The following PSMA3 variants were observed in gnomAD, a reference collection of about 807,000 sequenced individuals.
PSMA3 encodes proteasome subunit alpha type-3.
A neutral mutation model predicts 40.0 loss-of-function variants in PSMA3; 8 were observed. The ratio of observed to expected loss-of-function variants is 0.20; its 90% CI spans 0.12 to 0.36. The LOEUF is 0.36. Among genes scored for constraint, PSMA3 ranks in the 10% least tolerant of loss-of-function variants. The pLI is 1.00. For synonymous variants in PSMA3, 110 were observed against 100.0 expected, an observed-to-expected ratio of 1.10 and a Z score of -0.59; for missense variants, 219 against 310.6, an observed-to-expected ratio of 0.70 and a Z score of 2.22.
chr14:58,266,270 C>G (rs975672685), intron 7 of PSMA3: 1 of 152,098 alleles, frequency 6.6e-6, no homozygotes, highest in Non-Finnish European at 1.5e-5. Context: ...CTTGAGCATC[C>G]AGATTTCAAA....
chr14:58,254,551 G>A (rs958436729), intron 3 of PSMA3, among the ~76,000 whole-genome samples: 2 of 151,126 alleles, frequency 1.3e-5, no homozygotes, highest in African/African-American at 2.4e-5. Flanking sequence ...GCTCAGGCTG[G>A]TCTTGAACTC....
At chr14:58,258,308 C>T (rs1193890067) in intron 5 of PSMA3, 1 of 236,754 alleles carries the variant, frequency 4.2e-6, no homozygotes, top group East Asian at 7.8e-5. Flanking sequence ...GGTGCAGTAT[C>T]ACATGCCTGT....
chr14:58,250,069 A>T (rs1175823339), intron 2 of PSMA3, among the ~76,000 whole-genome samples: 1 of 151,104 alleles, frequency 6.6e-6, no homozygotes, highest in African/African-American at 2.4e-5. Flanking sequence ...AAATACAAAA[A>T]ATTAGCCGGG....
intron 2 of PSMA3, among the ~76,000 whole-genome samples, chr14:58,251,241 C>A (rs1954745458): frequency 6.6e-6 from 1 of 152,244 alleles, no homozygotes; most frequent in Non-Finnish European, 1.5e-5. Context: ...AACACATTTT[C>A]ATCTTGAAAT....
intron 5 of PSMA3, among the ~76,000 whole-genome samples, chr14:58,260,666 G>A (rs1890256225): frequency 6.6e-6 from 1 of 152,124 alleles, no homozygotes; most frequent in Admixed American, 6.5e-5. Context: ...TCTCATAGTT[G>A]TGGTTTTCAT....
At chr14:58,256,563 G>A (rs915453687) in intron 3 of PSMA3, among the ~76,000 whole-genome samples, 13 of 151,870 alleles carry the variant, frequency 8.6e-5, no homozygotes, top group African/African-American at 3.1e-4. Flanking sequence ...ACAGGTGCCT[G>A]CAACCACGCC....
At chr14:58,252,074 C>T in intron 2 of PSMA3, 45 bp from the exon 3 acceptor site, 2 of 1,544,078 alleles carry the variant, frequency 1.3e-6, no homozygotes, top group Admixed American at 2.3e-5. Flanking sequence ...TATGAAGTTT[C>T]TTTTATTTTC....
rs544540648 is a variant in PSMA3, at chr14:58,254,333, C to CATATAT, written c.228+2096_228+2101dup. Among the ~76,000 whole-genome samples, 53 of 23,800 alleles carry CATATAT rather than the reference C, an allele frequency of 2.2e-3. 16 individuals carry two copies. In the South Asian group the frequency reaches 0.042, roughly 19 times the overall value. 15.6% of individuals were successfully genotyped at this position (23,800 alleles called of 152,430 possible). A position where few individuals can be genotyped will look rare whatever the true frequency, so the allele number is the denominator to read the frequency against. The stretch of plus-strand genomic sequence containing the variant: ...AATATTTTGAAAAAAATTATGCATG[C>CATATAT]ATATATATATGTATGTACACACACA... On this transcript the variant is annotated intron_variant, in intron 3 of 10. Coordinates refer to ENST00000216455, the MANE Select transcript of PSMA3 (RefSeq NM_002788.4).
Position 58,257,850 on chromosome 14 carries a change from A to G in PSMA3, c.330+4A>G, listed in dbSNP as rs767197826. 1.2e-6 allele frequency: 2 copies of G among 1,612,702 alleles called. No individual in the cohort carries two copies. Among genetic ancestry groups the G allele is most frequent in the East Asian group, 4.5e-5 (2 of 44,810 alleles). ...TGGCTACAACATTCCACTAAAAGTA[A>G]GTTGATAACATATTGAGGAACCTTT... On this transcript the variant is annotated splice_donor_region_variant and intron_variant, in intron 4 of 10. Coordinates refer to ENST00000216455, the MANE Select transcript of PSMA3 (RefSeq NM_002788.4).
intron 5 of PSMA3, 43 bp from the exon 6 acceptor site, chr14:58,260,903 TTA>T (rs2140089638): frequency 7.3e-7 from 1 of 1,360,918 alleles, no homozygotes; most frequent in Non-Finnish European, 1.0e-6. Flanking sequence ...ACAAATACTT[TTA>T]TGTTATTGCC....
chr14:58,271,414 C>G (rs1392698995), intron 10 of PSMA3, among the ~76,000 whole-genome samples: 1 of 146,828 alleles, frequency 6.8e-6, no homozygotes, highest in African/African-American at 2.5e-5. Context: ...ACTGCAACCT[C>G]TGCCTCCAGG....
intron 6 of PSMA3, 112 bp downstream of exon 6, chr14:58,261,132 G>A: frequency 1.2e-5 from 7 of 560,160 alleles, no homozygotes; most frequent in Non-Finnish European, 1.1e-5. Flanking sequence ...TTCAAGGAAA[G>A]TAATTTTTCT....
At chr14:58,264,127 A>G (rs1890365226) in intron 7 of PSMA3, among the ~76,000 whole-genome samples, 1 of 152,228 alleles carries the variant, frequency 6.6e-6, no homozygotes, top group Non-Finnish European at 1.5e-5. Context: ...GATTCTGAAT[A>G]ACTGCTATAA....
rs142789690 is a variant in PSMA3, at chr14:58,250,375, T to C, written c.105-1744T>C. On this transcript the variant is annotated intron_variant, in intron 2 of 10. Transcript: ENST00000216455. Reference sequence around the variant, plus strand: ...GAGTTCAACTAAGTTTGCAAACCTTTTGGGGAAATTCATTTAAATAGGCAG... The same window carrying C: ...GAGTTCAACTAAGTTTGCAAACCTTCTGGGGAAATTCATTTAAATAGGCAG... Among the ~76,000 whole-genome samples the C allele has an allele frequency of 9.3e-3, 1,413 of 152,214 alleles. 20 individuals are homozygous for C. Among genetic ancestry groups the C allele is most frequent in the Non-Finnish European group, 0.012 (847 of 68,010 alleles).
intron 6 of PSMA3, among the ~76,000 whole-genome samples, chr14:58,262,312 A>T (rs532540468): frequency 3.9e-5 from 6 of 152,036 alleles, no homozygotes; most frequent in African/African-American, 1.4e-4. Context: ...AGTTCAAGCA[A>T]TTCTGCCTCA....
chr14:58,265,723 T>A (rs1890420459), intron 7 of PSMA3: 1 of 152,262 alleles, frequency 6.6e-6, no homozygotes. Context: ...TAAAATGTGC[T>A]TTTCAAGTTT....
In PSMA3 at chr14:58,247,787, G is replaced by C. The variant is rs1162104532; in HGVS notation, c.59G>C (p.Arg20Thr). ...LSASTFSPDGRVFQVEYAMKA... is the reference protein window; with the variant it reads ...LSASTFSPDGTVFQVEYAMKA... ...GCCTCTACATTCTCTCCTGACGGAAGAGTTTTTCAAGTTGAATATGCTATG... is the reference window on the plus strand; with the variant it reads ...GCCTCTACATTCTCTCCTGACGGAACAGTTTTTCAAGTTGAATATGCTATG... The change falls in exon 2 of 11, where the codon AGA becomes ACA. Residue 20 changes from arginine (R) to threonine (T), a missense_variant. Coordinates refer to ENST00000216455, the MANE Select transcript of PSMA3 (RefSeq NM_002788.4). 1 of 1,609,842 alleles carries C rather than the reference G, an allele frequency of 6.2e-7. No homozygotes were observed. The highest frequency in any genetic ancestry group is 8.5e-7 in the Non-Finnish European group (1 of 1,176,486).
Position 58,257,925 on chromosome 14 carries a change from C to T in PSMA3, c.331C>T (p.His111Tyr). The T allele has an allele frequency of 1.2e-6, 2 of 1,613,660 alleles. No homozygotes were observed. The highest frequency in any genetic ancestry group is 1.7e-6 in the Non-Finnish European group (2 of 1,179,572). Residue 111 changes from histidine to tyrosine, a missense_variant and splice_region_variant, in exon 5 of 11, where the codon CAT becomes TAT. Transcript: ENST00000216455. Reference protein sequence around the residue: ...SNFGYNIPLKHLADRVAMYVH... With the variant: ...SNFGYNIPLKYLADRVAMYVH... ...TAAGCTCTTCTGCTTCCCTCCATAG[C>T]ATCTTGCAGACAGAGTGGCCATGTA...
At position 58,254,333 on chromosome 14, in the gene PSMA3, C is replaced by CATATATATATATAT. The variant is rs544540648; in HGVS notation, c.228+2101_228+2102insATATATATATATAT. Among the ~76,000 whole-genome samples, 115 of 23,746 alleles carry CATATATATATATAT rather than the reference C, an allele frequency of 4.8e-3. 33 individuals are homozygous for CATATATATATATAT. The highest frequency in any genetic ancestry group is 0.012 in the African/African-American group (88 of 7,314). The allele number at this position is 23,746 out of a possible 152,430, so 15.6% of individuals were successfully genotyped here. On this transcript the variant is annotated intron_variant, in intron 3 of 10. Coordinates refer to ENST00000216455, the MANE Select transcript of PSMA3 (RefSeq NM_002788.4). ...AATATTTTGAAAAAAATTATGCATG[C>CATATATATATATAT]ATATATATATGTATGTACACACACA...
Sources: gnomAD v4.1 joint callset for allele counts (sites outside exome capture counted in the v4.1 genomes callset) on GRCh38, gnomAD v4.1.1 for gene constraint, MANE v1.5 for transcripts, NCBI Gene and HGNC (gene_info 2026-07-23, HGNC 2026-07-21) for gene names.